The following TSPAN9 variants were observed in gnomAD, a reference collection of about 807,000 sequenced individuals.
TSPAN9 encodes tetraspanin-9.
In TSPAN9, 16 loss-of-function variants were observed where a neutral mutation model predicts 31.0. That is an observed-to-expected ratio of 0.52 (90% CI 0.35 to 0.78). The LOEUF (loss-of-function observed/expected upper bound fraction) is 0.78, where lower values mean the gene tolerates loss of function less well. Ranked by LOEUF, TSPAN9 falls within the 30% of genes least tolerant of loss-of-function variation. The pLI is 0.01. For synonymous variants in TSPAN9, 145 were observed against 121.6 expected, an observed-to-expected ratio of 1.19 and a Z score of -1.27; for missense variants, 272 against 312.5, an observed-to-expected ratio of 0.87 and a Z score of 0.98.
intron 1 of TSPAN9, among the ~76,000 whole-genome samples, chr12:3,080,669 CTTA>C (rs1287133546): frequency 6.6e-6 from 1 of 152,202 alleles, no homozygotes; most frequent in East Asian, 1.9e-4. Context: ...TTTAACCATT[CTTA>C]AATGTACAGT....
chr12:3,158,991 T>G (rs2153969277), intron 2 of TSPAN9, among the ~76,000 whole-genome samples: 1 of 152,104 alleles, frequency 6.6e-6, no homozygotes, highest in East Asian at 1.9e-4. Context: ...CTTAGGGCCC[T>G]CTGCTGTGAC....
intron 2 of TSPAN9, among the ~76,000 whole-genome samples, chr12:3,090,820 A>G (rs1466481584): frequency 1.3e-5 from 2 of 151,656 alleles, no homozygotes; most frequent in Non-Finnish European, 2.9e-5. Flanking sequence ...AATAGACCCC[A>G]CCGATCTTTG....
chr12:3,146,545 G>A (rs920697261), intron 2 of TSPAN9, among the ~76,000 whole-genome samples: 3 of 152,202 alleles, frequency 2.0e-5, no homozygotes, highest in African/African-American at 7.2e-5. Flanking sequence ...GATGAAGACA[G>A]GCATTAGACA....
chr12:3,209,246 A>C (rs553621143), intron 3 of TSPAN9, among the ~76,000 whole-genome samples: 1 of 152,014 alleles, frequency 6.6e-6, no homozygotes. Context: ...AAAAAAAAAA[A>C]AAATAAAAAA....
intron 3 of TSPAN9, among the ~76,000 whole-genome samples, chr12:3,256,549 G>A (rs1862349244): frequency 2.0e-5 from 3 of 152,188 alleles, no homozygotes; most frequent in Non-Finnish European, 4.4e-5. Flanking sequence ...CGTCGATTTC[G>A]GGAGCGGCCC....
intron 2 of TSPAN9, among the ~76,000 whole-genome samples, chr12:3,144,876 T>C (rs1371013956): frequency 6.6e-6 from 1 of 152,260 alleles, no homozygotes; most frequent in Non-Finnish European, 1.5e-5. Context: ...AAAGCTTGCA[T>C]TTAAACCATA....
At chr12:3,258,329 C>T (rs916345745) in intron 3 of TSPAN9, among the ~76,000 whole-genome samples, 1 of 152,088 alleles carries the variant, frequency 6.6e-6, no homozygotes, top group Non-Finnish European at 1.5e-5. Flanking sequence ...GTGTCTGAGT[C>T]CTGTGGGTCT....
intron 3 of TSPAN9, among the ~76,000 whole-genome samples, chr12:3,218,833 T>C (rs937946436): frequency 1.3e-5 from 2 of 152,022 alleles, no homozygotes; most frequent in Non-Finnish European, 2.9e-5. Context: ...GGAATCTGGG[T>C]CATTAAAAAA....
At chr12:3,091,541 A>T (rs2098304628) in intron 2 of TSPAN9, among the ~76,000 whole-genome samples, 1 of 152,162 alleles carries the variant, frequency 6.6e-6, no homozygotes. Context: ...CCCCAGCACC[A>T]ATCATTCATC....
At chr12:3,249,392 C>A (rs567359790) in intron 3 of TSPAN9, among the ~76,000 whole-genome samples, 1 of 152,202 alleles carries the variant, frequency 6.6e-6, no homozygotes, top group Non-Finnish European at 1.5e-5. Context: ...ATCAATTACC[C>A]GTGCTCATTA....
At chr12:3,151,740 G>C (rs1241742670) in intron 2 of TSPAN9, among the ~76,000 whole-genome samples, 3 of 152,040 alleles carry the variant, frequency 2.0e-5, no homozygotes, top group Admixed American at 2.0e-4. Context: ...TCCCTTCCTT[G>C]CTCCCTCCAG....
At chr12:3,270,204 AG>A (rs1352361876) in intron 3 of TSPAN9, among the ~76,000 whole-genome samples, 9 of 152,180 alleles carry the variant, frequency 5.9e-5, no homozygotes. Context: ...AGAAGTAGAA[AG>A]ATGCTGGCAC....
chr12:3,268,134 T>TGCGTTCCTGC (rs1565639112), intron 3 of TSPAN9, among the ~76,000 whole-genome samples: 2 of 146,152 alleles, frequency 1.4e-5, no homozygotes, highest in Admixed American at 7.1e-5. Context: ...GCCTATTCCG[T>TGCGTTCCTGC]AGGTGCTGCA....
chr12:3,263,021 C>T (rs939248007), intron 3 of TSPAN9, among the ~76,000 whole-genome samples: 29 of 152,178 alleles, frequency 1.9e-4, no homozygotes, highest in African/African-American at 3.4e-4. Flanking sequence ...GCCCAGCTCA[C>T]GTGACACTTG....
chr12:3,225,411 A>G (rs1444157240), intron 3 of TSPAN9, among the ~76,000 whole-genome samples: 1 of 152,026 alleles, frequency 6.6e-6, no homozygotes, highest in Non-Finnish European at 1.5e-5. Context: ...CTTTCTTGAA[A>G]GTGAGGCCTG....
chr12:3,235,244 A>ATG (rs1276012032), intron 3 of TSPAN9, among the ~76,000 whole-genome samples: 1 of 45,602 alleles, frequency 2.2e-5, no homozygotes, highest in Admixed American at 2.5e-4. Flanking sequence ...ATATATATAT[A>ATG]TATATATATA....
chr12:3,134,185 G>A (rs984590146), intron 2 of TSPAN9, among the ~76,000 whole-genome samples: 4 of 152,096 alleles, frequency 2.6e-5, no homozygotes, highest in South Asian at 4.1e-4. Context: ...TCAGTAGGTC[G>A]CATTGCTAAA....
Position 3,278,492 on chromosome 12 carries a change from C to T in TSPAN9, c.135C>T (p.Ser45=). The change falls in exon 4 of 9, where the codon TCC becomes TCT. Residue 45 remains serine, a synonymous_variant. Transcript: ENST00000011898. ...CCCAAGGCAACTTTGCCACCTTCTC[C>T]CCCAGCTTCCCTTCGTTGTCTGCAG... ...SVSQGNFATF[S]PSFPSLSAAN... The T allele has an allele frequency of 6.2e-7, 1 of 1,614,212 alleles. No homozygotes were observed. The highest frequency in any genetic ancestry group is 8.5e-7 in the Non-Finnish European group (1 of 1,180,024).
At chr12:3,276,878 C>T (rs1862799273) in intron 3 of TSPAN9, among the ~76,000 whole-genome samples, 1 of 152,264 alleles carries the variant, frequency 6.6e-6, no homozygotes, top group Non-Finnish European at 1.5e-5. Context: ...CTCAGGGAGG[C>T]GTCTGTCCCC....
Sources: gnomAD v4.1 joint callset for allele counts (sites outside exome capture counted in the v4.1 genomes callset) on GRCh38, gnomAD v4.1.1 for gene constraint, MANE v1.5 for transcripts, NCBI Gene and HGNC (gene_info 2026-07-23, HGNC 2026-07-21) for gene names.